The following UBIAD1 variants were observed in gnomAD, a reference collection of about 807,000 sequenced individuals.
UBIAD1 encodes the protein UbiA prenyltransferase domain containing 1.
In UBIAD1, 12 loss-of-function variants were observed where a neutral mutation model predicts 20.1. That is an observed-to-expected ratio of 0.60 (90% CI 0.38 to 0.97). The LOEUF (loss-of-function observed/expected upper bound fraction) is 0.97, where lower values mean the gene tolerates loss of function less well. Ranked by LOEUF, UBIAD1 falls within the 50% of genes least tolerant of loss-of-function variation. The pLI is 0.00. For synonymous variants in UBIAD1, 207 were observed against 189.2 expected (o/e 1.09, Z -0.77); for missense variants, 333 against 419.5 (o/e 0.79, Z 1.80).
downstream of UBIAD1, among the ~76,000 whole-genome samples, chr1:11,291,476 G>T (rs1225162381): frequency 1.3e-5 from 2 of 151,944 alleles, no homozygotes; most frequent in African/African-American, 2.4e-5. Flanking sequence ...GCGTGGTGGT[G>T]CACAACTGTA....
Position 11,285,959 on chromosome 1 carries a change from G to A in UBIAD1, c.845G>A (p.Ser282Asn). 1 of 1,614,158 alleles carries A rather than the reference G, an allele frequency of 6.2e-7. No individual in the cohort carries two copies. The highest frequency in any genetic ancestry group is 8.5e-7 in the Non-Finnish European group (1 of 1,180,026). ...FSILATHCTI[S>N]LALPLLTIPM... ...ATCCTGGCCACACACTGCACCATCA[G>A]CCTGGCACTCCCCCTGCTTACCATT... Residue 282 changes from serine (S) to asparagine (N), a missense_variant, in exon 2 of 2, where the codon AGC becomes AAC. Transcript: ENST00000376810. This position sits in a 1 kb window ranked among gnomAD's most constrained non-coding sequence, Gnocchi z 4.4.
At chr1:11,293,571 A>G (rs1164320619) in intron 1 of UBIAD1, 1 of 152,282 alleles carries the variant, frequency 6.6e-6, no homozygotes, top group African/African-American at 2.4e-5. Context: ...TCCAGGGCTG[A>G]CTGACAGGTG....
Position 11,279,135 on chromosome 1 carries a change from A to G in UBIAD1, c.529+5075A>G, listed in dbSNP as rs553302342. Reference sequence around the variant, plus strand: ...CTCCTTGGCCTCCCAAAGTTCTGGGATTATAGGTGTGAACTGCCATGCCCG... The same window carrying G: ...CTCCTTGGCCTCCCAAAGTTCTGGGGTTATAGGTGTGAACTGCCATGCCCG... On this transcript the variant is annotated intron_variant, in intron 1 of 1. Transcript: ENST00000376810. 1,324 of 219,174 alleles carry G rather than the reference A, an allele frequency of 6.0e-3. 4 individuals carry two copies. The highest frequency in any genetic ancestry group is 0.011 in the Middle Eastern group (4 of 374). 13.6% of individuals were successfully genotyped at this position (219,174 alleles called of 1,614,324 possible).
chr1:11,281,378 C>T (rs765519988), intron 1 of UBIAD1, among the ~76,000 whole-genome samples: 6 of 152,122 alleles, frequency 3.9e-5, no homozygotes, highest in Non-Finnish European at 5.9e-5. Context: ...CCTTCGACTG[C>T]GAGCTCCCTC....
chr1:11,291,741 G>A (rs1454980785), downstream of UBIAD1, among the ~76,000 whole-genome samples: 1 of 152,090 alleles, frequency 6.6e-6, no homozygotes, highest in Non-Finnish European at 1.5e-5. Flanking sequence ...ATTTCTCAGT[G>A]TAAGAACCAC....
Position 11,286,040 on chromosome 1 carries a change from C to T in UBIAD1, c.926C>T (p.Pro309Leu), listed in dbSNP as rs376779079. 22 of 1,614,008 alleles carry T rather than the reference C, an allele frequency of 1.4e-5. No individual in the cohort carries two copies. The highest frequency in any genetic ancestry group is 4.0e-5 in the African/African-American group (3 of 74,926). ...QFRSQAFNKL[P>L]QRTAKLNLLL... is the part of the protein sequence containing the mutation. Reference sequence around the variant, plus strand: ...CGAAGCCAGGCCTTCAACAAACTGCCCCAGAGGACTGCCAAGCTCAACCTC... The same window carrying T: ...CGAAGCCAGGCCTTCAACAAACTGCTCCAGAGGACTGCCAAGCTCAACCTC... Residue 309 changes from proline to leucine, a missense_variant, in exon 2 of 2, where the codon CCC (proline) becomes CTC (leucine). Around this residue, in one of 3 missense-constraint regions of UBIAD1, gnomAD observed 226 missense variants for 263.5 expected, o/e 0.86. Transcript: ENST00000376810.
At chr1:11,284,652 T>TG (rs752004927) in intron 1 of UBIAD1, among the ~76,000 whole-genome samples, 2 of 152,072 alleles carry the variant, frequency 1.3e-5, no homozygotes, top group Non-Finnish European at 2.9e-5. Context: ...TTAGTAGAGA[T>TG]GGGGTTTCAC....
chr1:11,296,258 G>A (rs1162309368), downstream of UBIAD1, among the ~76,000 whole-genome samples: 1 of 152,142 alleles, frequency 6.6e-6, no homozygotes, highest in Non-Finnish European at 1.5e-5. Flanking sequence ...ATCACTCCTG[G>A]AGCTTGACTG....
In UBIAD1 at chr1:11,286,237, G is replaced by A; in HGVS notation, c.*106G>A. The A allele has an allele frequency of 2.8e-6, 4 of 1,425,024 alleles. No individual in the cohort carries two copies. The highest frequency in any genetic ancestry group is 3.9e-6 in the Non-Finnish European group (4 of 1,020,544). 88.3% of individuals were successfully genotyped at this position (1,425,024 alleles called of 1,614,324 possible). A position where few individuals can be genotyped will look rare whatever the true frequency, so the allele number is the denominator to read the frequency against. ...TTTGGCAGTCAGGGTACTAAGCATG[G>A]GTGGGAACTCCTGCCTTATAAAAAT... On this transcript the variant is annotated 3_prime_UTR_variant, in exon 2 of 2. Coordinates refer to ENST00000376810, the MANE Select transcript of UBIAD1 (RefSeq NM_013319.3).
intron 1 of UBIAD1, among the ~76,000 whole-genome samples, chr1:11,276,643 A>G (rs1301082016): frequency 6.6e-6 from 1 of 151,252 alleles, no homozygotes; most frequent in East Asian, 1.9e-4. Flanking sequence ...CAGCCTGGGC[A>G]ACAGAGAGAG....
At chr1:11,289,511 G>C (rs984180561), downstream of UBIAD1, among the ~76,000 whole-genome samples, 1 of 152,048 alleles carries the variant, frequency 6.6e-6, no homozygotes, top group Non-Finnish European at 1.5e-5. Flanking sequence ...ATGGAGATAG[G>C]GGGGTATGAG....
intron 1 of UBIAD1, among the ~76,000 whole-genome samples, chr1:11,282,917 A>C (rs1025177691): frequency 6.7e-6 from 1 of 149,374 alleles, no homozygotes; most frequent in South Asian, 2.1e-4. Flanking sequence ...CTGGAGTGCA[A>C]TGGCACGATC....
intron 1 of UBIAD1, among the ~76,000 whole-genome samples, chr1:11,277,461 G>A (rs920487878): frequency 7.3e-5 from 11 of 151,686 alleles, no homozygotes; most frequent in Non-Finnish European, 1.6e-4. Flanking sequence ...TAGTAGAGAC[G>A]GGGTTTCGCC....
downstream of UBIAD1, among the ~76,000 whole-genome samples, chr1:11,298,393 AC>A (rs968430468): frequency 3.3e-5 from 5 of 151,614 alleles, no homozygotes; most frequent in African/African-American, 1.2e-4. This position sits in a 1 kb window ranked among gnomAD's most constrained non-coding sequence, Gnocchi z 4.0. Context: ...TGTGGCAAAA[AC>A]CCATCTCTAC....
In UBIAD1 at chr1:11,279,162, C is replaced by T. The variant is rs1652161489; in HGVS notation, c.529+5102C>T. The T allele has an allele frequency of 1.3e-5, 3 of 225,100 alleles. No homozygotes were observed. In the South Asian group the frequency reaches 2.4e-4, roughly 18 times the overall value. 13.9% of individuals were successfully genotyped at this position (225,100 alleles called of 1,614,324 possible). The stretch of plus-strand genomic sequence containing the variant: ...TATAGGTGTGAACTGCCATGCCCGG[C>T]CTATATTCTCTTTTCATAATTTGTC... On this transcript the variant is annotated intron_variant, in intron 1 of 1. Transcript: ENST00000376810.
chr1:11,291,328 C>T (rs1428904330), downstream of UBIAD1, among the ~76,000 whole-genome samples: 1 of 152,082 alleles, frequency 6.6e-6, no homozygotes, highest in Non-Finnish European at 1.5e-5. Context: ...TGGAATGGGG[C>T]CAATCACGGT....
chr1:11,286,239 T>TTCCCACCCATGCTTA lies in UBIAD1; in HGVS notation c.*108_*109insTCCCACCCATGCTTA. 2 of 1,414,676 alleles carry TTCCCACCCATGCTTA rather than the reference T, an allele frequency of 1.4e-6. No homozygotes were observed. Among genetic ancestry groups the TTCCCACCCATGCTTA allele is most frequent in the Non-Finnish European group, 9.9e-7 (1 of 1,013,820 alleles). The allele number at this position is 1,414,676 out of a possible 1,614,324, so 87.6% of individuals were successfully genotyped here. On this transcript the variant is annotated 3_prime_UTR_variant, in exon 2 of 2. Coordinates refer to ENST00000376810, the MANE Select transcript of UBIAD1 (RefSeq NM_013319.3). ...TGGCAGTCAGGGTACTAAGCATGGG[T>TTCCCACCCATGCTTA]GGGAACTCCTGCCTTATAAAAATTG...
intron 1 of UBIAD1, among the ~76,000 whole-genome samples, chr1:11,284,621 G>A (rs1337787696): frequency 6.6e-6 from 1 of 151,950 alleles, no homozygotes; most frequent in African/African-American, 2.4e-5. Flanking sequence ...TGTGCCACAC[G>A]CTTGGCTAAT....
chr1:11,273,928 C>A lies in UBIAD1; in HGVS notation c.397C>A (p.Arg133=). 1 of 1,614,194 alleles carries A rather than the reference C, an allele frequency of 6.2e-7. No individual in the cohort carries two copies. The highest frequency in any genetic ancestry group is 2.2e-5 in the East Asian group (1 of 44,880). Residue 133 remains arginine, a synonymous_variant, in exon 1 of 2, where the codon CGG becomes AGG. Coordinates refer to ENST00000376810, the MANE Select transcript of UBIAD1 (RefSeq NM_013319.3). The surrounding 1 kb of genome is among the most constrained non-coding windows in gnomAD (Gnocchi z 4.9). ...DRILEPQDVV[R]FGVFLYTLGC... is the part of the protein sequence containing the mutation. ...AATCTTGGAGCCGCAGGATGTCGTC[C>A]GGTTCGGAGTCTTCCTCTACACGTT...
Sources: gnomAD v4.1 joint callset for allele counts (sites outside exome capture counted in the v4.1 genomes callset) on GRCh38, gnomAD v4.1.1 for gene constraint, gnomAD v4.1.1 regional missense constraint, Gnocchi (gnomAD v3.1) non-coding constraint, MANE v1.5 for transcripts, NCBI Gene and HGNC (gene_info 2026-07-23, HGNC 2026-07-21) for gene names.